OPTC: variants seen among roughly 807,000 people sequenced by gnomAD.
OPTC encodes oculoglycan.
A neutral mutation model predicts 25.4 loss-of-function variants in OPTC; 22 were observed. The ratio of observed to expected loss-of-function variants is 0.87; its 90% confidence interval spans 0.62 to 1.24. The LOEUF is 1.24. Among genes scored for constraint, OPTC ranks in the 50% most tolerant of loss-of-function variants. The pLI is 0.00. For missense variants in OPTC, 417 were observed against 425.2 expected, an observed-to-expected ratio of 0.98 and a Z score of 0.17; for synonymous variants, 169 against 179.3, an observed-to-expected ratio of 0.94 and a Z score of 0.46.
At chr1:203,502,495 A>G (rs527979675) in intron 5 of OPTC, among the ~76,000 whole-genome samples, 18 of 152,232 alleles carry the variant, frequency 1.2e-4, no homozygotes, top group Admixed American at 1.2e-3. Context: ...TCTTGTTTAG[A>G]TAATTGTCCA....
chr1:203,494,514 T>C (rs1661247678), intron 1 of OPTC, among the ~76,000 whole-genome samples: 1 of 152,042 alleles, frequency 6.6e-6, no homozygotes, highest in African/African-American at 2.4e-5. Flanking sequence ...CTGGGCATGG[T>C]AACACACGCC....
chr1:203,505,329 T>C (rs1378181148), intron 7 of OPTC, among the ~76,000 whole-genome samples: 1 of 152,226 alleles, frequency 6.6e-6, no homozygotes, highest in Admixed American at 6.5e-5. Flanking sequence ...CTATGAATGC[T>C]TACAAGAGGA....
intron 5 of OPTC, among the ~76,000 whole-genome samples, chr1:203,501,154 A>G (rs1166032691): frequency 6.6e-6 from 1 of 152,160 alleles, no homozygotes; most frequent in African/African-American, 2.4e-5. Context: ...GCTGGAATGC[A>G]GTGTGGCATG....
At chr1:203,507,601 C>T (rs1661515931) in intron 7 of OPTC, among the ~76,000 whole-genome samples, 1 of 152,192 alleles carries the variant, frequency 6.6e-6, no homozygotes. Flanking sequence ...CACCCTGTGG[C>T]CTTCAGGAGG....
At chr1:203,504,937 G>C (rs536096543) in intron 7 of OPTC, among the ~76,000 whole-genome samples, 3 of 152,344 alleles carry the variant, frequency 2.0e-5, no homozygotes, top group South Asian at 4.1e-4. Flanking sequence ...GGGCTACTAT[G>C]CTGGAAGGAT....
chr1:203,499,578 C>T, intron 4 of OPTC, 71 bp from the exon 5 acceptor site: 1 of 1,320,830 alleles, frequency 7.6e-7, no homozygotes, highest in South Asian at 1.2e-5. Context: ...GGTGTGGAGA[C>T]AGCTCCAACC....
intron 7 of OPTC, among the ~76,000 whole-genome samples, chr1:203,504,270 CA>C (rs1328964058): frequency 1.3e-5 from 2 of 152,088 alleles, no homozygotes; most frequent in African/African-American, 4.8e-5. Flanking sequence ...AATAATTATT[CA>C]AAAATCATCA....
chr1:203,499,520 A>G, intron 4 of OPTC, 129 bp from the exon 5 acceptor site: 1 of 820,118 alleles, frequency 1.2e-6, no homozygotes, highest in Non-Finnish European at 2.1e-6. Context: ...GGCCTAGTGC[A>G]GGTGGAGAGC....
intron 7 of OPTC, among the ~76,000 whole-genome samples, chr1:203,507,097 AAGAG>A (rs1661504142): frequency 6.6e-6 from 1 of 152,182 alleles, no homozygotes; most frequent in African/African-American, 2.4e-5. Context: ...GGGAAGGAGG[AAGAG>A]AGAGATGGGG....
rs781756653 is a variant in OPTC at position 203,498,682 on chromosome 1, T to A, written c.372T>A (p.Gly124=). 1 of 1,614,196 alleles carries A rather than the reference T, an allele frequency of 6.2e-7. No homozygotes were observed. The highest frequency in any genetic ancestry group is 1.1e-5 in the South Asian group (1 of 91,086). ...GLLLSSQPNH[G]LPTCLVCVCL... ...TGTTCTGTCTTCCACCTGGGCCAGG[T>A]CTGCCCACCTGCCTGGTCTGCGTGT... The change falls in exon 4 of 8, where the codon GGT becomes GGA. Residue 124 remains glycine (G), a splice_region_variant and synonymous_variant. Transcript: ENST00000367222.
chr1:203,499,407 C>A (rs1051423976), intron 4 of OPTC, among the ~76,000 whole-genome samples: 1 of 152,008 alleles, frequency 6.6e-6, no homozygotes, highest in South Asian at 2.1e-4. Context: ...CTAAAGGATG[C>A]AAGATGGACG....
intron 7 of OPTC, among the ~76,000 whole-genome samples, chr1:203,506,154 T>C (rs1366258388): frequency 1.4e-5 from 2 of 147,452 alleles, no homozygotes; most frequent in Non-Finnish European, 3.0e-5. Flanking sequence ...TCTTTTTTCT[T>C]TTTTTTTTTT....
At chr1:203,503,398 A>G in intron 6 of OPTC, 152 bp from the exon 7 acceptor site, 1 of 763,158 alleles carries the variant, frequency 1.3e-6, no homozygotes, top group Non-Finnish European at 2.3e-6. Context: ...TCCTCTTCTC[A>G]CCCTTGTTGT....
At chr1:203,497,166 G>T (rs1315129197) in intron 3 of OPTC, 51 bp downstream of exon 3, 1 of 1,605,876 alleles carries the variant, frequency 6.2e-7, no homozygotes. Context: ...AGGCCAAGCA[G>T]CTATGACCCA....
intron 3 of OPTC, among the ~76,000 whole-genome samples, chr1:203,498,475 A>T (rs947669678): frequency 6.6e-6 from 1 of 152,130 alleles, no homozygotes; most frequent in African/African-American, 2.4e-5. Flanking sequence ...GTAACTGAGG[A>T]TGGACCTGCC....
At chr1:203,498,617 G>A in intron 3 of OPTC, 64 bp from the exon 4 acceptor site, 2 of 1,597,714 alleles carry the variant, frequency 1.3e-6, no homozygotes, top group Non-Finnish European at 1.7e-6. Context: ...ACTCCCTGGG[G>A]CGAGGGCCAT....
chr1:203,499,545 T>G (rs184151300), intron 4 of OPTC, 104 bp from the exon 5 acceptor site: 453 of 941,810 alleles, frequency 4.8e-4, no homozygotes, highest in Non-Finnish European at 7.0e-4. Flanking sequence ...TAGAATCCCC[T>G]CATCTTGAGA....
chr1:203,494,507 G>C (rs1400435513), intron 1 of OPTC, among the ~76,000 whole-genome samples: 4 of 152,068 alleles, frequency 2.6e-5, no homozygotes, highest in African/African-American at 9.7e-5. Context: ...AGGTTAACTG[G>C]GCATGGTAAC....
At position 203,495,640 on chromosome 1, in the gene OPTC, A is replaced by G. The variant is rs60634125; in HGVS notation, c.-41-325A>G. Among the ~76,000 whole-genome samples, 24,878 of 152,232 alleles carry G rather than the reference A, an allele frequency of 0.16. 2,646 individuals carry two copies. The highest frequency in any genetic ancestry group is 0.31 in the East Asian group (1,594 of 5,172). ...TGTTTAAGAGAGGACATCTGTGTGC[A>G]TGCACCAGTGTGTGCCTCGTTTGTA... is the stretch of plus-strand genomic sequence containing the variant. On this transcript the variant is annotated intron_variant, in intron 1 of 7. Transcript: ENST00000367222.
Sources: allele counts gnomAD v4.1 joint callset (sites outside exome capture counted in the v4.1 genomes callset), GRCh38; gene constraint gnomAD v4.1.1; transcripts MANE v1.5; gene names NCBI Gene and HGNC (gene_info 2026-07-23, HGNC 2026-07-21).